The following HDLBP variants were observed in gnomAD, a reference collection of about 807,000 sequenced individuals.
HDLBP encodes high density lipoprotein binding protein, also known as vigilin.
Under a neutral mutation model 137.3 loss-of-function variants are expected in HDLBP, and 30 were observed. The ratio of observed to expected loss-of-function variants is 0.22; its 90% CI spans 0.16 to 0.30. The LOEUF is 0.30. Ranked by LOEUF, HDLBP falls within the 10% of genes least tolerant of loss-of-function variation. The probability of loss-of-function intolerance (pLI) is 1.00; values close to 1 mark genes in which losing one functional copy is unlikely to be tolerated. For synonymous variants in HDLBP, 606 were observed against 596.0 expected, an observed-to-expected ratio of 1.02 and a Z score of -0.24; for missense variants, 1,119 against 1,667.3, an observed-to-expected ratio of 0.67 and a Z score of 5.73.
rs2069607463 is a variant in HDLBP, at chr2:241,230,468, A to T, written c.3475-199T>A. Among the ~76,000 whole-genome samples, 1 of 152,226 alleles carries T rather than the reference A, an allele frequency of 6.6e-6. No homozygotes were observed. The highest frequency in any genetic ancestry group is 6.5e-5 in the Admixed American group (1 of 15,288). On this transcript the variant is annotated intron_variant, in intron 25 of 27. Transcript: ENST00000310931. The surrounding 1 kb of genome is among the most constrained non-coding windows in gnomAD (Gnocchi z 5.0). ...GGAGCACCTTGTTCCCAGCAGACAG[A>T]GGGCCGCAGCACGTACTGTGCGCTC...
At chr2:241,269,423 T>C (rs1574981558) in intron 1 of HDLBP, 1 of 152,142 alleles carries the variant, frequency 6.6e-6, no homozygotes, top group Non-Finnish European at 1.5e-5. Flanking sequence ...TTCATGGCAA[T>C]GGGGGAGCAT....
At chr2:241,266,101 C>T (rs550750807) in intron 3 of HDLBP, among the ~76,000 whole-genome samples, 3 of 152,176 alleles carry the variant, frequency 2.0e-5, no homozygotes, top group Non-Finnish European at 4.4e-5. Flanking sequence ...GATTTTATAA[C>T]ATCTAAACAC....
At chr2:241,277,007 A>G (rs2074413320) in intron 1 of HDLBP, among the ~76,000 whole-genome samples, 1 of 152,020 alleles carries the variant, frequency 6.6e-6, no homozygotes, top group Admixed American at 6.5e-5. Context: ...AAAAAATTAA[A>G]CAAATAGTAA....
intron 1 of HDLBP, among the ~76,000 whole-genome samples, chr2:241,281,350 G>C (rs553416390): frequency 6.6e-6 from 1 of 150,484 alleles, no homozygotes; most frequent in Non-Finnish European, 1.5e-5. Context: ...GTGAAACTCC[G>C]TCTTAAAAAT....
intron 5 of HDLBP, among the ~76,000 whole-genome samples, chr2:241,259,585 C>A (rs1389571839): frequency 1.3e-5 from 2 of 152,102 alleles, no homozygotes. Context: ...ACATCCCAGG[C>A]TCAAACAATC....
intron 5 of HDLBP, among the ~76,000 whole-genome samples, chr2:241,260,094 C>T (rs1487778027): frequency 1.3e-5 from 2 of 152,192 alleles, no homozygotes; most frequent in Admixed American, 6.5e-5. Flanking sequence ...ACCTCTGCCT[C>T]CCGGGTTCAA....
At chr2:241,278,059 A>G (rs2074459794) in intron 1 of HDLBP, among the ~76,000 whole-genome samples, 1 of 152,224 alleles carries the variant, frequency 6.6e-6, no homozygotes, top group Admixed American at 6.5e-5. Context: ...TCTCCCACAC[A>G]AAGCTAGGGG....
intron 1 of HDLBP, among the ~76,000 whole-genome samples, chr2:241,308,683 GTGAAGTAGC>G (rs2075662905): frequency 2.6e-5 from 4 of 152,244 alleles, no homozygotes; most frequent in Admixed American, 2.0e-4. Flanking sequence ...TAGGGAAGCA[GTGAAGTAGC>G]TGAAGGCACA....
At chr2:241,275,362 T>C (rs532077412) in intron 1 of HDLBP, among the ~76,000 whole-genome samples, 1 of 151,616 alleles carries the variant, frequency 6.6e-6, no homozygotes, top group African/African-American at 2.4e-5. Context: ...TAAAAAAGCA[T>C]AAGAGACATA....
At chr2:241,247,320 T>C (rs2071759713) in intron 14 of HDLBP, 178 bp from the exon 15 acceptor site, 1 of 607,978 alleles carries the variant, frequency 1.6e-6, no homozygotes, top group South Asian at 2.0e-5. Context: ...CTAACTTACG[T>C]TGCAAATTAC....
chr2:241,278,113 G>C (rs1022416442), intron 1 of HDLBP, among the ~76,000 whole-genome samples: 4 of 152,118 alleles, frequency 2.6e-5, no homozygotes. Flanking sequence ...ATCTCACCTA[G>C]GTATTTAAAA....
At position 241,235,484 on chromosome 2, in the gene HDLBP, G is replaced by T; in HGVS notation, c.3009+6C>A. Reference sequence around the variant, plus strand: ...TGTGACATGGCCTCCCGGGAAAGGGGTCTACCTCAAACTCATCCATCATCT... The same window carrying T: ...TGTGACATGGCCTCCCGGGAAAGGGTTCTACCTCAAACTCATCCATCATCT... On this transcript the variant is annotated splice_donor_region_variant and intron_variant, in intron 22 of 27. Coordinates refer to ENST00000310931, the MANE Select transcript of HDLBP (RefSeq NM_005336.6). The T allele has an allele frequency of 1.2e-6, 2 of 1,608,932 alleles. No homozygotes were observed. Among genetic ancestry groups the T allele is most frequent in the East Asian group, 4.5e-5 (2 of 44,852 alleles).
chr2:241,266,052 G>A (rs980325827), intron 3 of HDLBP, among the ~76,000 whole-genome samples: 4 of 152,120 alleles, frequency 2.6e-5, no homozygotes, highest in African/African-American at 9.7e-5. Flanking sequence ...AGTGTGTTTC[G>A]AACAACCTGG....
At chr2:241,263,313 C>T (rs915077099) in intron 4 of HDLBP, among the ~76,000 whole-genome samples, 8 of 152,166 alleles carry the variant, frequency 5.3e-5, no homozygotes, top group East Asian at 1.9e-4. Context: ...GGCAGGAAAG[C>T]GGAGGAGGTG....
At position 241,233,637 on chromosome 2, in the gene HDLBP, T is replaced by G. The variant is rs1000273750; in HGVS notation, c.3288+183A>C. On this transcript the variant is annotated intron_variant, in intron 24 of 27. Transcript: ENST00000310931. This position sits in a 1 kb window ranked among gnomAD's most constrained non-coding sequence, Gnocchi z 4.3. ...CAGATGATACATAGTGCCAGAGACCTCACCCATCTGGCAAGTACCGAGACA... is the reference window on the plus strand; with the variant it reads ...CAGATGATACATAGTGCCAGAGACCGCACCCATCTGGCAAGTACCGAGACA... Among the ~76,000 whole-genome samples the G allele has an allele frequency of 2.6e-5, 4 of 151,954 alleles. No homozygotes were observed. Among genetic ancestry groups the G allele is most frequent in the Admixed American group, 2.6e-4 (4 of 15,274 alleles).
At chr2:241,302,291 C>T (rs73018185) in intron 1 of HDLBP, among the ~76,000 whole-genome samples, 23,684 of 151,976 alleles carry the variant, frequency 0.16, 2,352 homozygotes, top group East Asian at 0.39. Flanking sequence ...AGGTGGTTCA[C>T]ACCTGTAATC....
At chr2:241,285,449 C>A (rs557940230) in intron 1 of HDLBP, among the ~76,000 whole-genome samples, 19 of 152,272 alleles carry the variant, frequency 1.2e-4, no homozygotes, top group African/African-American at 4.1e-4. Context: ...TATCACTGAC[C>A]TCCATAAACG....
chr2:241,309,408 T>C (rs1442172673), intron 1 of HDLBP, among the ~76,000 whole-genome samples: 3 of 152,160 alleles, frequency 2.0e-5, no homozygotes, highest in Admixed American at 6.5e-5. Context: ...AAAATGATAG[T>C]AAACGATTTT....
At chr2:241,288,569 G>A (rs1468410837) in intron 1 of HDLBP, among the ~76,000 whole-genome samples, 1 of 152,132 alleles carries the variant, frequency 6.6e-6, no homozygotes, top group African/African-American at 2.4e-5. Context: ...ACTCCTTAGG[G>A]TCTCCTCCAT....
Sources: gnomAD v4.1 joint callset for allele counts (sites outside exome capture counted in the v4.1 genomes callset) on GRCh38, gnomAD v4.1.1 for gene constraint, Gnocchi (gnomAD v3.1) non-coding constraint, MANE v1.5 for transcripts, NCBI Gene and HGNC (gene_info 2026-07-23, HGNC 2026-07-21) for gene names.